The following ZNF804B variants were observed in gnomAD, a reference collection of about 807,000 sequenced individuals.
ZNF804B encodes the protein zinc finger protein 804B, also known as zinc finger 804B.
ZNF804B carries 80 observed loss-of-function variants against 101.4 expected under a neutral mutation model. That is an observed-to-expected ratio of 0.79 (90% confidence interval 0.66 to 0.95). ZNF804B has a LOEUF of 0.95. Ranked by LOEUF, ZNF804B falls within the 40% of genes least tolerant of loss-of-function variation. ZNF804B has a pLI of 0.00. For synonymous variants in ZNF804B, 622 were observed against 558.8 expected, an observed-to-expected ratio of 1.11 and a Z score of -1.59; for missense variants, 1,673 against 1,561.9, an observed-to-expected ratio of 1.07 and a Z score of -1.20.
chr7:89,125,035 T>G (rs539208625), intron 1 of ZNF804B, among the ~76,000 whole-genome samples: 1 of 151,926 alleles, frequency 6.6e-6, no homozygotes, highest in Non-Finnish European at 1.5e-5. Flanking sequence ...ATTGTTGTTT[T>G]TTTTTTTTTT....
At chr7:89,198,500 A>G (rs112268635) in intron 1 of ZNF804B, among the ~76,000 whole-genome samples, 193 of 152,050 alleles carry the variant, frequency 1.3e-3, no homozygotes, top group African/African-American at 4.3e-3. Context: ...GAAAAACACT[A>G]TAAGCTAGTG....
chr7:89,160,817 G>T (rs375616442), intron 1 of ZNF804B, among the ~76,000 whole-genome samples: 1 of 152,186 alleles, frequency 6.6e-6, no homozygotes, highest in African/African-American at 2.4e-5. Context: ...ATATCATCTA[G>T]TCTTTGTCAA....
At chr7:88,931,213 C>A (rs1792880035) in intron 1 of ZNF804B, among the ~76,000 whole-genome samples, 1 of 151,850 alleles carries the variant, frequency 6.6e-6, no homozygotes, top group Non-Finnish European at 1.5e-5. Context: ...TAATTTTAAT[C>A]TAAGTGATCT....
intron 1 of ZNF804B, among the ~76,000 whole-genome samples, chr7:88,882,642 A>G (rs1455942858): frequency 6.6e-6 from 1 of 152,174 alleles, no homozygotes; most frequent in African/African-American, 2.4e-5. Flanking sequence ...TCAGTGGTTG[A>G]CTGGATAAAG....
chr7:89,171,903 T>A (rs1375694922), intron 1 of ZNF804B, among the ~76,000 whole-genome samples: 1 of 152,162 alleles, frequency 6.6e-6, no homozygotes, highest in Non-Finnish European at 1.5e-5. Flanking sequence ...TGAGTTATTT[T>A]AGACTTGGGG....
intron 1 of ZNF804B, among the ~76,000 whole-genome samples, chr7:88,833,025 A>T (rs1583964473): frequency 1.3e-5 from 2 of 151,972 alleles, no homozygotes; most frequent in Non-Finnish European, 2.9e-5. Context: ...GGTCGTCTTC[A>T]TGCTAAAATC....
Position 88,786,190 on chromosome 7 carries a change from T to C in ZNF804B, c.108+26106T>C, listed in dbSNP as rs184846151. On this transcript the variant is annotated intron_variant, in intron 1 of 3. Transcript: ENST00000333190. Reference sequence around the variant, plus strand: ...TCCCAGTACCATTTGAGAGAAATAGTGGGCAAGCTATTTCAATATAGTACC... The same window carrying C: ...TCCCAGTACCATTTGAGAGAAATAGCGGGCAAGCTATTTCAATATAGTACC... 7.2e-5 allele frequency among the ~76,000 whole-genome samples: 11 copies of C among 152,170 alleles called. No individual in the cohort carries two copies. In the East Asian group the frequency reaches 1.7e-3, roughly 24 times the overall value.
At chr7:88,917,000 C>T (rs1792642181) in intron 1 of ZNF804B, among the ~76,000 whole-genome samples, 1 of 152,050 alleles carries the variant, frequency 6.6e-6, no homozygotes, top group Non-Finnish European at 1.5e-5. Context: ...TGCGGTGGCT[C>T]ACGCCTGTAA....
At chr7:88,924,249 C>G (rs990957753) in intron 1 of ZNF804B, among the ~76,000 whole-genome samples, 20 of 151,998 alleles carry the variant, frequency 1.3e-4, no homozygotes, top group African/African-American at 4.6e-4. Flanking sequence ...TTTCATTTTT[C>G]TTTTTGACTA....
chr7:88,837,156 T>C (rs1791225304), intron 1 of ZNF804B, among the ~76,000 whole-genome samples: 1 of 151,968 alleles, frequency 6.6e-6, no homozygotes, highest in Admixed American at 6.6e-5. Flanking sequence ...TTCTTCATGG[T>C]ACACAATATA....
intron 2 of ZNF804B, among the ~76,000 whole-genome samples, chr7:89,318,804 G>T (rs964313334): frequency 6.6e-6 from 1 of 152,108 alleles, no homozygotes; most frequent in Non-Finnish European, 1.5e-5. Flanking sequence ...AGCGGCGCTA[G>T]AGGAATTAAA....
At chr7:89,137,179 A>AT (rs949174621) in intron 1 of ZNF804B, among the ~76,000 whole-genome samples, 2 of 152,114 alleles carry the variant, frequency 1.3e-5, no homozygotes, top group African/African-American at 4.8e-5. Context: ...TATGGAAGAT[A>AT]TTATGGAACT....
At chr7:89,044,584 C>A (rs527426819) in intron 1 of ZNF804B, among the ~76,000 whole-genome samples, 19 of 152,138 alleles carry the variant, frequency 1.2e-4, no homozygotes, top group Admixed American at 1.2e-3. Flanking sequence ...ATGCTGATAG[C>A]GACATGGACA....
intron 1 of ZNF804B, among the ~76,000 whole-genome samples, chr7:88,840,614 T>C (rs923092797): frequency 2.0e-5 from 3 of 152,152 alleles, no homozygotes; most frequent in Non-Finnish European, 2.9e-5. Flanking sequence ...TTGTAGGACA[T>C]TAACCATTAA....
At chr7:89,026,520 A>G (rs778181762) in intron 1 of ZNF804B, among the ~76,000 whole-genome samples, 2 of 152,176 alleles carry the variant, frequency 1.3e-5, no homozygotes, top group Non-Finnish European at 2.9e-5. Flanking sequence ...GCAGGAAGAC[A>G]AACTGGAAAC....
chr7:89,229,162 G>T (rs1009543873), intron 2 of ZNF804B, among the ~76,000 whole-genome samples: 1 of 152,162 alleles, frequency 6.6e-6, no homozygotes, highest in Non-Finnish European at 1.5e-5. Context: ...GGCCAGCCCA[G>T]GAAGGGGCTC....
At chr7:88,929,840 A>G (rs1201878664) in intron 1 of ZNF804B, among the ~76,000 whole-genome samples, 1 of 151,968 alleles carries the variant, frequency 6.6e-6, no homozygotes, top group Non-Finnish European at 1.5e-5. Flanking sequence ...GTTTATAAAA[A>G]ATCCAACTCA....
chr7:88,953,736 A>G (rs1793259190), intron 1 of ZNF804B, among the ~76,000 whole-genome samples: 1 of 151,750 alleles, frequency 6.6e-6, no homozygotes, highest in Non-Finnish European at 1.5e-5. Flanking sequence ...CAAGACAAAG[A>G]GGACCTAGTC....
rs1790449582 is a variant in ZNF804B, at chr7:89,124,406, A to G, written c.109-93749A>G. 3.3e-5 allele frequency among the ~76,000 whole-genome samples: 5 copies of G among 152,292 alleles called. No individual in the cohort carries two copies. The South Asian group carries it at 1.0e-3, about 32-fold the overall frequency. ...AGCATACTGATGATCCATGAGTGAAAGCATATACAAAACTGCAGAAACAAA... is the reference window on the plus strand; with the variant it reads ...AGCATACTGATGATCCATGAGTGAAGGCATATACAAAACTGCAGAAACAAA... On this transcript the variant is annotated intron_variant, in intron 1 of 3. Transcript: ENST00000333190.
Sources: gnomAD v4.1 joint callset for allele counts (sites outside exome capture counted in the v4.1 genomes callset) on GRCh38, gnomAD v4.1.1 for gene constraint, MANE v1.5 for transcripts, NCBI Gene and HGNC (gene_info 2026-07-23, HGNC 2026-07-21) for gene names.